Variants in CCDC7 observed in about 807,000 individuals in gnomAD.
The protein encoded by CCDC7 is coiled-coil domain-containing protein 7.
CCDC7 carries 183 observed loss-of-function variants against 196.9 expected under a neutral mutation model. The observed-to-expected ratio is 0.93, with a 90% CI of 0.82 to 1.05. The LOEUF (loss-of-function observed/expected upper bound fraction) is 1.05. Among genes scored for constraint, CCDC7 ranks in the 50% least tolerant of loss-of-function variants. CCDC7 has a pLI of 0.00. For missense variants in CCDC7, 1,540 were observed against 1,482.2 expected (o/e 1.04, Z -0.64); for synonymous variants, 525 against 484.6 (o/e 1.08, Z -1.10).
chr10:32,818,496 C>T (rs1429051835), intron 31 of CCDC7, among the ~76,000 whole-genome samples: 7 of 152,132 alleles, frequency 4.6e-5, no homozygotes, highest in Non-Finnish European at 1.0e-4. Context: ...ACCTAATAGA[C>T]ATCTACAGAA....
intron 31 of CCDC7, among the ~76,000 whole-genome samples, chr10:32,818,300 T>C (rs2089291801): frequency 6.6e-6 from 1 of 152,212 alleles, no homozygotes; most frequent in Non-Finnish European, 1.5e-5. Context: ...ATCCTAAATA[T>C]ATATGCACCC....
At chr10:32,498,988 C>G (rs1163586313) in intron 9 of CCDC7, 1 of 151,628 alleles carries the variant, frequency 6.6e-6, no homozygotes, top group Non-Finnish European at 1.5e-5. Context: ...TGTTTTCCAA[C>G]TTGGTTCAAT....
At chr10:32,776,665 A>C (rs1478887933) in intron 28 of CCDC7, among the ~76,000 whole-genome samples, 1 of 152,212 alleles carries the variant, frequency 6.6e-6, no homozygotes, top group African/African-American at 2.4e-5. Context: ...AAATGAGATA[A>C]TACTTCAAAA....
At chr10:32,498,648 G>C (rs2043297737) in intron 9 of CCDC7, among the ~76,000 whole-genome samples, 1 of 152,068 alleles carries the variant, frequency 6.6e-6, no homozygotes, top group Non-Finnish European at 1.5e-5. Flanking sequence ...AGGAAGCTTA[G>C]TTTGGCTGGA....
chr10:32,571,352 A>G (rs949687940), intron 15 of CCDC7, among the ~76,000 whole-genome samples: 3 of 152,126 alleles, frequency 2.0e-5, no homozygotes, highest in African/African-American at 2.4e-5. Context: ...ATATTTGAAC[A>G]TGTATTCTCA....
chr10:32,699,580 T>A (rs1352307926), intron 24 of CCDC7, among the ~76,000 whole-genome samples: 1 of 148,970 alleles, frequency 6.7e-6, no homozygotes, highest in Admixed American at 6.6e-5. Context: ...GTAATGGGAG[T>A]GCTGGGTCAA....
At chr10:32,666,748 G>C (rs1435574999) in intron 21 of CCDC7, among the ~76,000 whole-genome samples, 1 of 152,062 alleles carries the variant, frequency 6.6e-6, no homozygotes, top group African/African-American at 2.4e-5. Context: ...GTGTATATGT[G>C]CCACATTTTC....
chr10:32,840,151 A>G (rs1477510369), intron 33 of CCDC7, among the ~76,000 whole-genome samples: 4 of 152,092 alleles, frequency 2.6e-5, no homozygotes, highest in East Asian at 3.9e-4. Flanking sequence ...GAAATAACAA[A>G]GATCAGAGCA....
chr10:32,764,528 C>A (rs1451554880), intron 28 of CCDC7, among the ~76,000 whole-genome samples: 1 of 151,772 alleles, frequency 6.6e-6, no homozygotes, highest in Non-Finnish European at 1.5e-5. Flanking sequence ...GTTTGGTTGG[C>A]TGAAAATGGA....
chr10:32,580,646 T>A (rs888056482), intron 16 of CCDC7, among the ~76,000 whole-genome samples: 1 of 152,096 alleles, frequency 6.6e-6, no homozygotes, highest in Non-Finnish European at 1.5e-5. Flanking sequence ...CATGTTGTAT[T>A]GTTGCAGATA....
intron 9 of CCDC7, chr10:32,511,822 C>CCG (rs954751393): frequency 7.7e-6 from 7 of 907,710 alleles, no homozygotes; most frequent in Non-Finnish European, 1.2e-5. Flanking sequence ...CCAGCTCTGC[C>CCG]CGCGCCACCA....
chr10:32,766,752 A>G (rs558529438), intron 28 of CCDC7, among the ~76,000 whole-genome samples: 4 of 152,020 alleles, frequency 2.6e-5, no homozygotes, highest in South Asian at 2.1e-4. Flanking sequence ...AGTGGTATAC[A>G]TGAGACAGTG....
chr10:32,510,521 T>G, intron 9 of CCDC7, among the ~76,000 whole-genome samples: 1 of 152,178 alleles, frequency 6.6e-6, no homozygotes, highest in African/African-American at 2.4e-5. Flanking sequence ...GAAATGAGGA[T>G]CTCTTTGTGG....
intron 21 of CCDC7, among the ~76,000 whole-genome samples, chr10:32,667,718 A>T (rs915748960): frequency 6.6e-6 from 1 of 152,082 alleles, no homozygotes; most frequent in Non-Finnish European, 1.5e-5. Flanking sequence ...GTTCTGTCCC[A>T]TTGGTCCATA....
At chr10:32,749,300 T>C (rs1424520895) in intron 28 of CCDC7, among the ~76,000 whole-genome samples, 1 of 152,182 alleles carries the variant, frequency 6.6e-6, no homozygotes, top group Non-Finnish European at 1.5e-5. Flanking sequence ...GTTTAAAAAA[T>C]TTTTTATCTT....
At position 32,846,592 on chromosome 10, in the gene CCDC7, TTTAA is replaced by T. The variant is rs151118539; in HGVS notation, c.3688+138_3688+141del. The T allele has an allele frequency of 1.5e-3, 847 of 556,432 alleles. 5 individuals carry two copies. The highest frequency in any genetic ancestry group is 0.015 in the African/African-American group (793 of 52,334). The allele number at this position is 556,432 out of a possible 1,614,324, so 34.5% of individuals were successfully genotyped here. A position where few individuals can be genotyped will look rare whatever the true frequency, so the allele number is the denominator to read the frequency against. ...TAGGTAAAATTCATCATGAATATCC[TTTAA>T]TTAAGCTCTAGCATTTACTATCAGT... On this transcript the variant is annotated intron_variant, in intron 37 of 41. Coordinates refer to ENST00000639629, the Ensembl canonical transcript of CCDC7.
intron 20 of CCDC7, among the ~76,000 whole-genome samples, chr10:32,659,924 C>G (rs565139026): frequency 3.3e-5 from 5 of 152,244 alleles, no homozygotes; most frequent in Admixed American, 2.6e-4. Flanking sequence ...GGTGATTCAT[C>G]AAAGACCTAA....
At chr10:32,641,830 G>C (rs986367327) in intron 20 of CCDC7, among the ~76,000 whole-genome samples, 1 of 152,158 alleles carries the variant, frequency 6.6e-6, no homozygotes, top group Admixed American at 6.5e-5. Context: ...ATGGGGTTTT[G>C]GTGTGGATGT....
intron 18 of CCDC7, among the ~76,000 whole-genome samples, chr10:32,595,501 G>A (rs1443482569): frequency 3.3e-5 from 5 of 152,054 alleles, no homozygotes; most frequent in African/African-American, 1.2e-4. Flanking sequence ...ACCATCTCCT[G>A]GATTCATTGA....
Sources: allele counts gnomAD v4.1 joint callset (sites outside exome capture counted in the v4.1 genomes callset), GRCh38; gene constraint gnomAD v4.1.1; transcripts MANE v1.5; gene names NCBI Gene and HGNC (gene_info 2026-07-23, HGNC 2026-07-21).